The following GUCA1A variants were observed in gnomAD, a reference collection of about 807,000 sequenced individuals.
GUCA1A encodes the protein guanylate cyclase activator 1A, also known as guanylyl cyclase-activating protein 1.
GUCA1A carries 14 observed loss-of-function variants against 18.5 expected under a neutral mutation model. The observed-to-expected ratio is 0.76, with a 90% CI of 0.50 to 1.18. The LOEUF (loss-of-function observed/expected upper bound fraction) is 1.18. Among genes scored for constraint, GUCA1A ranks in the 50% most tolerant of loss-of-function variants. GUCA1A has a pLI of 0.00. For synonymous variants in GUCA1A, 97 were observed against 100.2 expected (o/e 0.97, Z 0.19); for missense variants, 264 against 262.4 (o/e 1.01, Z -0.04).
In GUCA1A at chr6:42,178,313, G is replaced by A. The variant is rs1039268397; in HGVS notation, c.235G>A (p.Ala79Thr). Residue 79 changes from alanine (A) to threonine (T), a missense_variant, in exon 2 of 4, where the codon GCG becomes ACG. Coordinates refer to ENST00000372958, the MANE Select transcript of GUCA1A (RefSeq NM_001384910.1). ...CATTGATTTCATGGAGTACGTGGCA[G>A]CGCTCAGCTTGGTCCTCAAGGGGAA... ...GYIDFMEYVA[A>T]LSLVLKGKVE... 1.8e-5 allele frequency: 29 copies of A among 1,614,104 alleles called. No individual in the cohort carries two copies. Among genetic ancestry groups the A allele is most frequent in the Non-Finnish European group, 2.4e-5 (28 of 1,180,044 alleles).
Position 42,179,334 on chromosome 6 carries a change from C to T in GUCA1A, c.537C>T (p.Ile179=), listed in dbSNP as rs751037996. Residue 179 remains isoleucine, a synonymous_variant, in exon 4 of 4, where the codon ATC becomes ATT. Coordinates refer to ENST00000372958, the MANE Select transcript of GUCA1A (RefSeq NM_001384910.1). Reference sequence around the variant, plus strand: ...CACGAAGCCTGGACCTTACCCGCATCGTGCGCAGGCTCCAGAATGGCGAGC... The same window carrying T: ...CACGAAGCCTGGACCTTACCCGCATTGTGCGCAGGCTCCAGAATGGCGAGC... ...TLTRSLDLTR[I]VRRLQNGEQD... The T allele has an allele frequency of 6.2e-7, 1 of 1,613,734 alleles. No individual in the cohort carries two copies. The highest frequency in any genetic ancestry group is 8.5e-7 in the Non-Finnish European group (1 of 1,179,720).
Position 42,178,878 on chromosome 6 carries a change from T to C in GUCA1A, c.428T>C (p.Ile143Thr), listed in dbSNP as rs1320962652. 10 of 1,613,056 alleles carry C rather than the reference T, an allele frequency of 6.2e-6. No individual in the cohort carries two copies. Among genetic ancestry groups the C allele is most frequent in the African/African-American group, 4.0e-5 (3 of 74,870 alleles). Residue 143 changes from isoleucine to threonine, a missense_variant, in exon 3 of 4, where the codon ATT becomes ACT. Coordinates refer to ENST00000372958, the MANE Select transcript of GUCA1A (RefSeq NM_001384910.1). ...TTCACCGATACAGTGTTCTCCAAGA[T>C]TGACGTCAACGGGGATGGTGAGGGG... is the stretch of plus-strand genomic sequence containing the variant. ...EEFTDTVFSK[I>T]DVNGDGELSL...
intron 3 of GUCA1A, 33 bp from the exon 4 acceptor site, chr6:42,179,210 T>A: frequency 6.2e-7 from 1 of 1,601,316 alleles, no homozygotes; most frequent in Non-Finnish European, 8.6e-7. Context: ...ATGAACACCC[T>A]CCTCCCCCTG....
chr6:42,178,740 T>C (rs1768030568), intron 2 of GUCA1A, 62 bp from the exon 3 acceptor site: 2 of 1,315,868 alleles, frequency 1.5e-6, no homozygotes, highest in Non-Finnish European at 2.2e-6. Flanking sequence ...CCGTCCCCAA[T>C]CCTACCCCTG....
chr6:42,178,915 G>A lies in GUCA1A; in HGVS notation c.445+20G>A, dbSNP rs905892091. The A allele has an allele frequency of 1.9e-6, 3 of 1,569,090 alleles. No homozygotes were observed. Among genetic ancestry groups the A allele is most frequent in the Admixed American group, 1.7e-5 (1 of 59,956 alleles). The stretch of plus-strand genomic sequence containing the variant: ...GGGATGGTGAGGGGGCCGAGGAGGG[G>A]CTCCCCAGCGGAGGGGTCACCATGG... On this transcript the variant is annotated intron_variant, in intron 3 of 3. Coordinates refer to ENST00000372958, the MANE Select transcript of GUCA1A (RefSeq NM_001384910.1).
In GUCA1A at chr6:42,173,811, C is replaced by A; in HGVS notation, c.198C>A (p.Asn66Lys). ...AGATGTTTGAGACTTTTGACTTCAA[C>A]AAGGTGAGCAGGGGCCCAGTGGCAG... ...VEQMFETFDF[N>K]KDGYIDFMEY... Residue 66 changes from asparagine to lysine, a missense_variant, in exon 1 of 4, where the codon AAC (asparagine) becomes AAA (lysine). Physicochemically the swap from Asn to Lys is moderately conservative, Grantham distance 94. Coordinates refer to ENST00000372958, the MANE Select transcript of GUCA1A (RefSeq NM_001384910.1). 3 of 1,612,158 alleles carry A rather than the reference C, an allele frequency of 1.9e-6. No individual in the cohort carries two copies. Among genetic ancestry groups the A allele is most frequent in the South Asian group, 1.1e-5 (1 of 91,042 alleles).
intron 2 of GUCA1A, 176 bp from the exon 3 acceptor site, chr6:42,178,626 C>T: frequency 1.2e-6 from 1 of 814,204 alleles, no homozygotes; most frequent in South Asian, 1.3e-5. Flanking sequence ...CTCATCAATA[C>T]CAAAAGACGA....
At chr6:42,174,876 T>C (rs1227040446) in intron 1 of GUCA1A, among the ~76,000 whole-genome samples, 4 of 152,212 alleles carry the variant, frequency 2.6e-5, no homozygotes, top group African/African-American at 9.7e-5. Context: ...GTTCCTTCCC[T>C]CGCTGCCCAG....
Position 42,179,711 on chromosome 6 carries a change from T to C in GUCA1A, c.*308T>C, listed in dbSNP as rs1458867258. The stretch of plus-strand genomic sequence containing the variant: ...CTCCTCTCCCAGCTTTTCCCAGCTT[T>C]CCCCACTGAGCTTCTCCAGTCCATG... On this transcript the variant is annotated 3_prime_UTR_variant, in exon 4 of 4. Transcript: ENST00000372958. 2.4e-5 allele frequency: 6 copies of C among 253,816 alleles called. No homozygotes were observed. Among genetic ancestry groups the C allele is most frequent in the Non-Finnish European group, 3.7e-5 (5 of 134,262 alleles). 15.7% of individuals were successfully genotyped at this position (253,816 alleles called of 1,614,324 possible). A position where few individuals can be genotyped will look rare whatever the true frequency, so the allele number is the denominator to read the frequency against.
At position 42,178,822 on chromosome 6, in the gene GUCA1A, C is replaced by G. The variant is rs1243593461; in HGVS notation, c.372C>G (p.Pro124=). 4.3e-6 allele frequency: 7 copies of G among 1,613,530 alleles called. No homozygotes were observed. Among genetic ancestry groups the G allele is most frequent in the Non-Finnish European group, 5.9e-6 (7 of 1,179,448 alleles). The change falls in exon 3 of 4, where the codon CCC becomes CCG. Residue 124 remains proline, a synonymous_variant. Transcript: ENST00000372958. ...TIIQAIRAIN[P]CSDTTMTAEE... ...CCCAGGCCATTCGCGCCATTAACCC[C>G]TGCAGCGATACCACCATGACTGCAG...
In GUCA1A at chr6:42,179,433, G is replaced by T. The variant is rs200718990; in HGVS notation, c.*30G>T. The T allele has an allele frequency of 1.3e-6, 2 of 1,530,968 alleles. No homozygotes were observed. Among genetic ancestry groups the T allele is most frequent in the Admixed American group, 2.0e-5 (1 of 49,866 alleles). 94.8% of individuals were successfully genotyped at this position (1,530,968 alleles called of 1,614,324 possible). On this transcript the variant is annotated 3_prime_UTR_variant, in exon 4 of 4. Transcript: ENST00000372958. ...ACCGCCCGGCTGCTTCTGCACTAGC[G>T]GGTGGGGTGGTATGGTGGTGCCTGT... is the stretch of plus-strand genomic sequence containing the variant.
Position 42,178,300 on chromosome 6 carries a change from GGA to G in GUCA1A, c.224_225del (p.Glu75ValfsTer25). On this transcript the variant is annotated frameshift_variant, in exon 2 of 4. Coordinates refer to ENST00000372958, the MANE Select transcript of GUCA1A (RefSeq NM_001384910.1). LOFTEE classifies it high-confidence loss of function. ...FNKDGYIDFM[E>X]YVAALSLVLK... ...CCCAGGACGGCTACATTGATTTCAT[GGA>G]GTACGTGGCAGCGCTCAGCTTGGTC... The G allele has an allele frequency of 6.2e-7, 1 of 1,614,092 alleles. No individual in the cohort carries two copies. Among genetic ancestry groups the G allele is most frequent in the Non-Finnish European group, 8.5e-7 (1 of 1,180,030 alleles).
intron 1 of GUCA1A, among the ~76,000 whole-genome samples, chr6:42,175,502 T>C (rs1369551557): frequency 2.6e-5 from 4 of 151,890 alleles, no homozygotes; most frequent in Non-Finnish European, 5.9e-5. Flanking sequence ...GTAGCTGGGA[T>C]TACAGGCACC....
At chr6:42,179,204 A>G in intron 3 of GUCA1A, 39 bp from the exon 4 acceptor site, 1 of 1,592,546 alleles carries the variant, frequency 6.3e-7, no homozygotes, top group Non-Finnish European at 8.6e-7. Flanking sequence ...GCAGAAATGA[A>G]CACCCTCCTC....
intron 1 of GUCA1A, among the ~76,000 whole-genome samples, chr6:42,175,294 G>A (rs575854390): frequency 1.3e-5 from 2 of 151,726 alleles, no homozygotes; most frequent in African/African-American, 2.4e-5. Flanking sequence ...ATATGACGCC[G>A]GTGGGGGTGG....
rs1166495531 is a variant in GUCA1A at position 42,173,642 on chromosome 6, T to C, written c.29T>C (p.Val10Ala). The C allele has an allele frequency of 1.2e-6, 2 of 1,614,116 alleles. No homozygotes were observed. Among genetic ancestry groups the C allele is most frequent in the East Asian group, 2.2e-5 (1 of 44,878 alleles). Residue 10 changes from valine (V) to alanine (A), a missense_variant, in exon 1 of 4, where the codon GTG (valine) becomes GCG (alanine). Transcript: ENST00000372958. MGNVMEGKS[V>A]EELSSTECHQ... is the part of the protein sequence containing the mutation. Reference sequence around the variant, plus strand: ...GGCAACGTGATGGAGGGAAAGTCAGTGGAGGAGCTGAGCAGCACCGAGTGC... The same window carrying C: ...GGCAACGTGATGGAGGGAAAGTCAGCGGAGGAGCTGAGCAGCACCGAGTGC...
At chr6:42,175,752 C>T (rs1012620675) in intron 1 of GUCA1A, among the ~76,000 whole-genome samples, 1 of 152,148 alleles carries the variant, frequency 6.6e-6, no homozygotes, top group Admixed American at 6.5e-5. Flanking sequence ...TAAATCAACC[C>T]CTTGTTTCTA....
rs142881541 is a variant in GUCA1A, at chr6:42,175,194, C to T, written c.201+1380C>T. On this transcript the variant is annotated intron_variant, in intron 1 of 3. Transcript: ENST00000372958. ...ATGGATGGTTGAGCCTCACACCTTACCCCCAAACAGCGACATATCTCATCT... is the reference window on the plus strand; with the variant it reads ...ATGGATGGTTGAGCCTCACACCTTATCCCCAAACAGCGACATATCTCATCT... Among the ~76,000 whole-genome samples the T allele has an allele frequency of 3.3e-5, 5 of 152,104 alleles. No homozygotes were observed. The East Asian group carries it at 9.7e-4, about 29-fold the overall frequency.
rs965029730 is a variant in GUCA1A at position 42,179,414 on chromosome 6, C to G, written c.*11C>G. The G allele has an allele frequency of 6.4e-7, 1 of 1,572,374 alleles. No homozygotes were observed. Among genetic ancestry groups the G allele is most frequent in the African/African-American group, 1.3e-5 (1 of 74,094 alleles). On this transcript the variant is annotated 3_prime_UTR_variant, in exon 4 of 4. Coordinates refer to ENST00000372958, the MANE Select transcript of GUCA1A (RefSeq NM_001384910.1). ...GAGGCAGCCGGCTGAGTGCACCGCC[C>G]GGCTGCTTCTGCACTAGCGGGTGGG...
Sources: gnomAD v4.1 joint callset for allele counts (sites outside exome capture counted in the v4.1 genomes callset) on GRCh38, gnomAD v4.1.1 for gene constraint, MANE v1.5 for transcripts, NCBI Gene and HGNC (gene_info 2026-07-23, HGNC 2026-07-21) for gene names.